FHIP2A: variants seen among roughly 807,000 people sequenced by gnomAD.
FHIP2A encodes the protein FHF complex subunit HOOK interacting protein 2A.
Under a neutral mutation model 93.5 loss-of-function variants are expected in FHIP2A, and 46 were observed. That is an observed-to-expected ratio of 0.49 (90% CI 0.39 to 0.63). The LOEUF (loss-of-function observed/expected upper bound fraction) is 0.63, where lower values mean the gene tolerates loss of function less well. Ranked by LOEUF, FHIP2A falls within the 20% of genes least tolerant of loss-of-function variation. The pLI, the probability that FHIP2A is intolerant of heterozygous loss-of-function variation, is 0.00. For synonymous variants in FHIP2A, 332 were observed against 326.5 expected (o/e 1.02, Z -0.18); for missense variants, 769 against 909.7 (o/e 0.85, Z 1.99).
At chr10:114,822,476 G>A (rs1273258062) in intron 1 of FHIP2A, among the ~76,000 whole-genome samples, 1 of 152,226 alleles carries the variant, frequency 6.6e-6, no homozygotes, top group African/African-American at 2.4e-5. Flanking sequence ...CACCTGGCGG[G>A]GTCGCAGAGA....
intron 1 of FHIP2A, among the ~76,000 whole-genome samples, chr10:114,823,467 C>G (rs556636798): frequency 2.8e-5 from 4 of 145,346 alleles, no homozygotes; most frequent in Admixed American, 6.8e-5. Flanking sequence ...TTTAAAAATA[C>G]CAAGAATCAT....
chr10:114,833,695 G>A (rs1479269045), intron 3 of FHIP2A, among the ~76,000 whole-genome samples: 4 of 152,020 alleles, frequency 2.6e-5, no homozygotes, highest in Non-Finnish European at 5.9e-5. Flanking sequence ...AGAGATAGAA[G>A]GAAGTCAGTT....
intron 13 of FHIP2A, among the ~76,000 whole-genome samples, chr10:114,852,219 A>C (rs1278653397): frequency 2.0e-5 from 3 of 151,964 alleles, no homozygotes; most frequent in Non-Finnish European, 2.9e-5. Context: ...AAAACCAAAA[A>C]TATCTATCAA....
intron 8 of FHIP2A, 145 bp downstream of exon 8, chr10:114,845,626 A>T: frequency 1.7e-6 from 1 of 600,692 alleles, no homozygotes; most frequent in South Asian, 2.1e-5. Context: ...AAAAGTGTAT[A>T]TGTGTTTGTA....
intron 7 of FHIP2A, 52 bp from the exon 8 acceptor site, chr10:114,845,312 TAGG>T: frequency 1.0e-6 from 1 of 967,574 alleles, no homozygotes; most frequent in Non-Finnish European, 1.7e-6. Flanking sequence ...ACATTCTGAA[TAGG>T]GTCCATGCTT....
At chr10:114,895,367 C>G (rs1216254988) in intron 16 of FHIP2A, among the ~76,000 whole-genome samples, 1 of 152,194 alleles carries the variant, frequency 6.6e-6, no homozygotes, top group Non-Finnish European at 1.5e-5. Flanking sequence ...CCCGCTTGCT[C>G]TACATTTTCT....
At chr10:114,871,691 GGATCCACCACA>G (rs2083860995) in intron 16 of FHIP2A, among the ~76,000 whole-genome samples, 2 of 151,990 alleles carry the variant, frequency 1.3e-5, no homozygotes, top group African/African-American at 4.8e-5. Context: ...TCTAGCGAGG[GGATCCACCACA>G]GAGCTTTCCA....
intron 16 of FHIP2A, among the ~76,000 whole-genome samples, chr10:114,892,710 G>T: frequency 6.6e-6 from 1 of 152,016 alleles, no homozygotes; most frequent in East Asian, 1.9e-4. Flanking sequence ...ACAAAATAAG[G>T]ATGAAGGGTG....
downstream of FHIP2A, among the ~76,000 whole-genome samples, chr10:114,866,812 C>T (rs965430499): frequency 6.6e-5 from 10 of 152,146 alleles, no homozygotes; most frequent in Non-Finnish European, 1.3e-4. Context: ...AAACTCAAGC[C>T]TTGCCTGAAT....
chr10:114,835,238 T>C (rs1255915995), intron 3 of FHIP2A, among the ~76,000 whole-genome samples: 1 of 152,228 alleles, frequency 6.6e-6, no homozygotes, highest in African/African-American at 2.4e-5. Context: ...CAGGTTGACA[T>C]TGACTGCACC....
chr10:114,876,885 T>A (rs1399436690), intron 16 of FHIP2A, among the ~76,000 whole-genome samples: 1 of 152,196 alleles, frequency 6.6e-6, no homozygotes, highest in African/African-American at 2.4e-5. Context: ...TGTTTTGCTA[T>A]GAATTTACAC....
chr10:114,873,325 A>C (rs1012284804), intron 16 of FHIP2A, among the ~76,000 whole-genome samples: 2 of 152,228 alleles, frequency 1.3e-5, no homozygotes, highest in Non-Finnish European at 1.5e-5. Context: ...CAGAGGAGGA[A>C]TACAGAGATA....
chr10:114,824,008 C>T (rs2083559186), intron 1 of FHIP2A, among the ~76,000 whole-genome samples: 1 of 152,068 alleles, frequency 6.6e-6, no homozygotes, highest in South Asian at 2.1e-4. Flanking sequence ...TCAAGTACTG[C>T]CTTGAATCCA....
At chr10:114,873,239 G>A (rs918400860) in intron 16 of FHIP2A, among the ~76,000 whole-genome samples, 1 of 152,160 alleles carries the variant, frequency 6.6e-6, no homozygotes, top group Non-Finnish European at 1.5e-5. Context: ...AGTATTGGTT[G>A]GGTATTTTGT....
downstream of FHIP2A, among the ~76,000 whole-genome samples, chr10:114,867,935 T>A (rs2143013941): frequency 7.3e-6 from 1 of 136,596 alleles, no homozygotes; most frequent in African/African-American, 2.7e-5. Context: ...TTCAGTGTGC[T>A]TTATAATTTT....
chr10:114,863,623 T>C lies in FHIP2A; in HGVS notation c.*2083T>C. On this transcript the variant is annotated 3_prime_UTR_variant, in exon 17 of 17. Transcript: ENST00000369248. ...TTTGTTTCTAAGTTTCTGTTTTTCA[T>C]CCCTTCTTTTTTCTTTTATATTTAG... 1 of 1,280,920 alleles carries C rather than the reference T, an allele frequency of 7.8e-7. No individual in the cohort carries two copies. Among genetic ancestry groups the C allele is most frequent in the South Asian group, 1.3e-5 (1 of 75,748 alleles). The allele number at this position is 1,280,920 out of a possible 1,614,324, so 79.3% of individuals were successfully genotyped here. A position where few individuals can be genotyped will look rare whatever the true frequency, so the allele number is the denominator to read the frequency against.
In FHIP2A at chr10:114,863,300, G is replaced by C. The variant is rs36089581; in HGVS notation, c.*1760G>C. ...GAAAACTTCGACATTTACATTTCTA[G>C]ATGTAGTAACAGTCTACTTTGATAT... On this transcript the variant is annotated 3_prime_UTR_variant, in exon 17 of 17. Coordinates refer to ENST00000369248, the MANE Select transcript of FHIP2A (RefSeq NM_020940.4). 0.34 allele frequency: 328,153 copies of C among 976,808 alleles called. 57,654 individuals are homozygous for C. The highest frequency in any genetic ancestry group is 0.36 in the South Asian group (7,591 of 21,122). The allele number at this position is 976,808 out of a possible 1,614,324, so 60.5% of individuals were successfully genotyped here.
chr10:114,879,190 T>G (rs920057796), intron 16 of FHIP2A, among the ~76,000 whole-genome samples: 1 of 152,168 alleles, frequency 6.6e-6, no homozygotes, highest in African/African-American at 2.4e-5. Context: ...AAGCCCTCAC[T>G]ATTTCCACAG....
chr10:114,884,822 G>A (rs1482991131), intron 16 of FHIP2A, among the ~76,000 whole-genome samples: 2 of 151,488 alleles, frequency 1.3e-5, no homozygotes, highest in African/African-American at 4.9e-5. Flanking sequence ...GCTGAGGCAG[G>A]AGAATCGCTT....
Sources: allele counts gnomAD v4.1 joint callset (sites outside exome capture counted in the v4.1 genomes callset), GRCh38; gene constraint gnomAD v4.1.1; transcripts MANE v1.5; gene names NCBI Gene and HGNC (gene_info 2026-07-23, HGNC 2026-07-21).